TRRAP: variants seen among roughly 807,000 people sequenced by gnomAD.
TRRAP encodes transformation/transcription domain associated protein, also known as transformation/transcription domain-associated protein.
TRRAP carries 41 observed loss-of-function variants against 438.8 expected under a neutral mutation model. The observed-to-expected ratio is 0.09, with a 90% CI of 0.07 to 0.12. The LOEUF (loss-of-function observed/expected upper bound fraction) is 0.12, where lower values mean the gene tolerates loss of function less well. TRRAP is among the 10% of genes least tolerant of loss of function. TRRAP has a pLI of 1.00. For synonymous variants in TRRAP, 1,994 were observed against 1,962.9 expected (o/e 1.02, Z -0.42); for missense variants, 3,122 against 5,055.1 (o/e 0.62, Z 11.60).
intron 20 of TRRAP, among the ~76,000 whole-genome samples, chr7:98,918,546 A>G (rs1222321042): frequency 6.6e-6 from 1 of 151,990 alleles, no homozygotes; most frequent in Non-Finnish European, 1.5e-5. Context: ...ATTCTTAATA[A>G]GTTGATGACT....
intron 47 of TRRAP, 37 bp from the exon 48 acceptor site, chr7:98,964,592 C>T (rs1404180006): frequency 6.3e-7 from 1 of 1,598,540 alleles, no homozygotes; most frequent in Non-Finnish European, 8.5e-7. Flanking sequence ...GTGGTTGTTA[C>T]TTTTCTGTGA....
At chr7:98,925,588 C>T (rs1169388823) in intron 22 of TRRAP, among the ~76,000 whole-genome samples, 1 of 152,184 alleles carries the variant, frequency 6.6e-6, no homozygotes, top group Non-Finnish European at 1.5e-5. Flanking sequence ...GCAGCTGGCG[C>T]CTGAAAGGCA....
chr7:98,893,639 G>A (rs782224977), intron 5 of TRRAP, among the ~76,000 whole-genome samples, 159 bp from the exon 6 acceptor site: 3 of 152,206 alleles, frequency 2.0e-5, no homozygotes, highest in Admixed American at 6.5e-5. Context: ...GTGGTGCACT[G>A]AAGCTTTCTG....
chr7:98,953,773 C>T (rs1791458880), intron 40 of TRRAP, among the ~76,000 whole-genome samples: 1 of 152,012 alleles, frequency 6.6e-6, no homozygotes, highest in Non-Finnish European at 1.5e-5. Flanking sequence ...GGCTGTGCAC[C>T]CAAAAATGGG....
At chr7:98,882,111 C>T in intron 3 of TRRAP, 87 bp downstream of exon 3, 1 of 1,103,240 alleles carries the variant, frequency 9.1e-7, no homozygotes, top group Non-Finnish European at 1.3e-6. Flanking sequence ...TTTTTACTAG[C>T]AACTCAAAGA....
At chr7:98,883,026 A>G (rs1554403409) in intron 3 of TRRAP, among the ~76,000 whole-genome samples, 1 of 152,234 alleles carries the variant, frequency 6.6e-6, no homozygotes, top group African/African-American at 2.4e-5. Context: ...TTCTTATGCA[A>G]TGAGATCTGG....
intron 3 of TRRAP, among the ~76,000 whole-genome samples, chr7:98,886,348 ATATC>A (rs1223220913): frequency 6.6e-6 from 1 of 151,978 alleles, no homozygotes; most frequent in African/African-American, 2.4e-5. Context: ...ATAGATATAG[ATATC>A]TATATAGATA....
At chr7:98,967,017 C>T (rs368580816) in intron 49 of TRRAP, 24 bp from the exon 50 acceptor site, 152 of 1,593,412 alleles carry the variant, frequency 9.5e-5, no homozygotes, top group East Asian at 4.5e-4. Context: ...CTTTTAACTG[C>T]GTCTTTTCTC....
chr7:98,992,560 C>CATGTGT (rs1554428059), intron 65 of TRRAP, among the ~76,000 whole-genome samples: 25 of 149,124 alleles, frequency 1.7e-4, no homozygotes, highest in African/African-American at 5.9e-4. Context: ...TGCCAGCTGC[C>CATGTGT]GTGTGTGTGT....
chr7:98,908,130 C>A lies in TRRAP; in HGVS notation c.1116-598C>A, dbSNP rs989417419. Among the ~76,000 whole-genome samples, 12 of 152,234 alleles carry A rather than the reference C, an allele frequency of 7.9e-5. No homozygotes were observed. The highest frequency in any genetic ancestry group is 2.9e-4 in the African/African-American group (12 of 41,458). ...CCCTGTTTAAGAATAGCTTGCCCCA[C>A]TCATCTTTCTCATGTGCCCTTTTCA... On this transcript the variant is annotated intron_variant, in intron 13 of 72. Transcript: ENST00000456197. The surrounding 1 kb of genome is among the most constrained non-coding windows in gnomAD (Gnocchi z 4.1).
intron 69 of TRRAP, 59 bp from the exon 70 acceptor site, chr7:99,008,318 G>A (rs1794284836): frequency 1.9e-6 from 3 of 1,551,250 alleles, no homozygotes; most frequent in African/African-American, 2.7e-5. Context: ...TGACGGTGGA[G>A]CTGAGCACTG....
intron 67 of TRRAP, among the ~76,000 whole-genome samples, chr7:99,001,722 C>G (rs1272990673): frequency 6.6e-6 from 1 of 152,128 alleles, no homozygotes; most frequent in Non-Finnish European, 1.5e-5. Flanking sequence ...CAGTCCGATT[C>G]TCTAGCAGAG....
chr7:98,969,581 A>G (rs1231969645), intron 51 of TRRAP, among the ~76,000 whole-genome samples: 2 of 152,236 alleles, frequency 1.3e-5, no homozygotes, highest in African/African-American at 2.4e-5. Flanking sequence ...CAAGATGGCA[A>G]GAGTGTCGTG....
chr7:98,970,846 A>G (rs1487507470), intron 52 of TRRAP, among the ~76,000 whole-genome samples: 1 of 152,150 alleles, frequency 6.6e-6, no homozygotes, highest in Non-Finnish European at 1.5e-5. Flanking sequence ...GTCTCTGCCT[A>G]GTCCCGGGAC....
chr7:98,931,420 G>A lies in TRRAP; in HGVS notation c.3607G>A (p.Val1203Ile). 1 of 1,613,876 alleles carries A rather than the reference G, an allele frequency of 6.2e-7. No individual in the cohort carries two copies. Among genetic ancestry groups the A allele is most frequent in the Non-Finnish European group, 8.5e-7 (1 of 1,179,952 alleles). ...TGACTTGCAGGTTTCCAATGGGGCA[G>A]TCGCTATGGCAAAGACCACGCTGGA... ...DLTGEVSNGAVAMAKTTLEQL... is the reference protein window; with the variant it reads ...DLTGEVSNGAIAMAKTTLEQL... The change falls in exon 26 of 73, where the codon GTC becomes ATC. Residue 1203 changes from valine to isoleucine, a missense_variant. Physicochemically the swap from Val to Ile is conservative, Grantham distance 29. Transcript: ENST00000456197.
rs1793682513 is a variant in TRRAP, at chr7:98,996,852, G to A, written c.10309+2004G>A. Reference sequence around the variant, plus strand: ...AGTTGCCTTGGTGACAGAATAAATAGCAGCAACTCTGTTCTAATTATAAGA... The same window carrying A: ...AGTTGCCTTGGTGACAGAATAAATAACAGCAACTCTGTTCTAATTATAAGA... On this transcript the variant is annotated intron_variant, in intron 67 of 72. Coordinates refer to ENST00000456197, the MANE Select transcript of TRRAP (RefSeq NM_001375524.1). 5.3e-5 allele frequency among the ~76,000 whole-genome samples: 8 copies of A among 152,236 alleles called. No individual in the cohort carries two copies. The South Asian group carries it at 1.7e-3, about 32-fold the overall frequency.
At chr7:99,006,889 C>G (rs1794188260) in intron 69 of TRRAP, among the ~76,000 whole-genome samples, 1 of 152,226 alleles carries the variant, frequency 6.6e-6, no homozygotes, top group South Asian at 2.1e-4. Context: ...GGAAGAGAAA[C>G]TGCACACAAG....
intron 1 of TRRAP, among the ~76,000 whole-genome samples, 180 bp from the exon 2 acceptor site, chr7:98,880,910 A>G (rs1399891984): frequency 2.0e-5 from 3 of 152,202 alleles, no homozygotes; most frequent in Admixed American, 6.5e-5. Context: ...TCATGTTTCA[A>G]AATTAATAGA....
chr7:98,938,487 A>G (rs1178751364), intron 30 of TRRAP, among the ~76,000 whole-genome samples: 3 of 152,196 alleles, frequency 2.0e-5, no homozygotes, highest in East Asian at 1.9e-4. Context: ...TTTGTTGTGT[A>G]TCCTTTTAGA....
Sources: allele counts gnomAD v4.1 joint callset (sites outside exome capture counted in the v4.1 genomes callset), GRCh38; gene constraint gnomAD v4.1.1; non-coding constraint Gnocchi (gnomAD v3.1); transcripts MANE v1.5; gene names NCBI Gene and HGNC (gene_info 2026-07-23, HGNC 2026-07-21).